UBE2G2: variants seen among roughly 807,000 people sequenced by gnomAD.
UBE2G2 encodes the protein ubiquitin-conjugating enzyme E2 G2.
A neutral mutation model predicts 23.0 loss-of-function variants in UBE2G2; 10 were observed. The observed-to-expected ratio is 0.43, with a 90% CI of 0.27 to 0.74. The LOEUF (loss-of-function observed/expected upper bound fraction) is 0.74. Ranked by LOEUF, UBE2G2 falls within the 30% of genes least tolerant of loss-of-function variation. The pLI is 0.19. For synonymous variants in UBE2G2, 86 were observed against 81.3 expected, an observed-to-expected ratio of 1.06 and a Z score of -0.31; for missense variants, 150 against 218.3, an observed-to-expected ratio of 0.69 and a Z score of 1.97.
rs184525566 is a variant in UBE2G2 at position 44,789,643 on chromosome 21, T to C, written c.44-1548A>G. Among the ~76,000 whole-genome samples, 178 of 152,068 alleles carry C rather than the reference T, an allele frequency of 1.2e-3. 1 individual carries two copies. The Middle Eastern group carries it at 0.014, about 12-fold the overall frequency. On this transcript the variant is annotated intron_variant, in intron 1 of 5. Transcript: ENST00000345496. ...TCTCTAAGACAAAAAAAAATCAAAC[T>C]TTCCCCATCTCACACCACATATAAA...
At chr21:44,796,232 T>C (rs2083087781) in intron 1 of UBE2G2, among the ~76,000 whole-genome samples, 1 of 152,208 alleles carries the variant, frequency 6.6e-6, no homozygotes, top group South Asian at 2.1e-4. Flanking sequence ...TGGCTCTCCT[T>C]TTTTCCTGTT....
chr21:44,791,526 TG>T (rs1306368353), intron 1 of UBE2G2, among the ~76,000 whole-genome samples: 11 of 152,174 alleles, frequency 7.2e-5, no homozygotes, highest in Non-Finnish European at 1.5e-4. Flanking sequence ...AGCTTCCACG[TG>T]GTGTTGGGCC....
At chr21:44,796,925 T>C (rs544478652) in intron 1 of UBE2G2, among the ~76,000 whole-genome samples, 83 of 152,344 alleles carry the variant, frequency 5.4e-4, no homozygotes, top group Non-Finnish European at 9.3e-4. Flanking sequence ...ATATGTTGAA[T>C]CTCTCTGACC....
intron 1 of UBE2G2, among the ~76,000 whole-genome samples, chr21:44,799,049 A>G (rs1230206835): frequency 6.6e-6 from 1 of 152,236 alleles, no homozygotes; most frequent in Non-Finnish European, 1.5e-5. Flanking sequence ...GACCAGGTGC[A>G]CTGTCAGGAA....
rs1185848765 is a variant in UBE2G2, at chr21:44,768,697, G to A, written c.*2680C>T. 6.6e-6 allele frequency: 1 copy of A among 152,268 alleles called. No homozygotes were observed. The highest frequency in any genetic ancestry group is 1.9e-4 in the East Asian group (1 of 5,202). The allele number at this position is 152,268 out of a possible 1,614,324, so 9.4% of individuals were successfully genotyped here. On this transcript the variant is annotated 3_prime_UTR_variant, in exon 6 of 6. Coordinates refer to ENST00000345496, the MANE Select transcript of UBE2G2 (RefSeq NM_003343.6). ...CACAGAGGAGTGATGACAGGGAGCT[G>A]TGCTTCTAAGCAACTGCAGGAGGGA...
rs1037092499 is a variant in UBE2G2, at chr21:44,797,697, A to C, written c.43+4009T>G. 4.2e-5 allele frequency among the ~76,000 whole-genome samples: 6 copies of C among 142,608 alleles called. No homozygotes were observed. The Admixed American group carries it at 4.3e-4, about 10-fold the overall frequency. 93.6% of individuals were successfully genotyped at this position (142,608 alleles called of 152,430 possible). ...GCCACTGCACTCCAGCCTGGGCGAC[A>C]GAGCAAAACTCCGTCTCAAAAAAAA... On this transcript the variant is annotated intron_variant, in intron 1 of 5. Coordinates refer to ENST00000345496, the MANE Select transcript of UBE2G2 (RefSeq NM_003343.6).
chr21:44,777,680 T>G (rs1419099885), intron 3 of UBE2G2, among the ~76,000 whole-genome samples: 1 of 152,006 alleles, frequency 6.6e-6, no homozygotes, highest in African/African-American at 2.4e-5. Flanking sequence ...TGGTGGCGCA[T>G]GACTGTAATC....
At chr21:44,796,458 A>G (rs1291701460) in intron 1 of UBE2G2, among the ~76,000 whole-genome samples, 3 of 152,222 alleles carry the variant, frequency 2.0e-5, no homozygotes, top group Non-Finnish European at 4.4e-5. Context: ...CCACCTTTAC[A>G]CTGGAATGTG....
At chr21:44,776,352 A>T (rs186786379) in intron 4 of UBE2G2, among the ~76,000 whole-genome samples, 135 of 152,286 alleles carry the variant, frequency 8.9e-4, no homozygotes, top group Non-Finnish European at 1.6e-3. Flanking sequence ...AAAAATTTCA[A>T]TCTGAAAAAA....
chr21:44,790,677 T>C (rs1433289421), intron 1 of UBE2G2, among the ~76,000 whole-genome samples: 1 of 152,250 alleles, frequency 6.6e-6, no homozygotes, highest in Non-Finnish European at 1.5e-5. Flanking sequence ...TCTGTCATGA[T>C]AAGTTTCCTG....
chr21:44,791,298 G>A (rs571340343), intron 1 of UBE2G2, among the ~76,000 whole-genome samples: 194 of 152,292 alleles, frequency 1.3e-3, no homozygotes, highest in Non-Finnish European at 2.3e-3. Context: ...TGTCTCCAGA[G>A]CATGTCAGAG....
intron 3 of UBE2G2, among the ~76,000 whole-genome samples, chr21:44,784,981 T>TC (rs1401042128): frequency 1.3e-5 from 2 of 152,114 alleles, no homozygotes; most frequent in African/African-American, 4.8e-5. Context: ...ACTCCTTCTG[T>TC]CCCACATAAG....
intron 3 of UBE2G2, among the ~76,000 whole-genome samples, chr21:44,780,241 G>A (rs549713248): frequency 5.9e-5 from 9 of 152,292 alleles, no homozygotes; most frequent in African/African-American, 2.2e-4. Flanking sequence ...TTTCTAGAAC[G>A]CCTGGCGCCC....
chr21:44,795,560 A>C (rs1274576318), intron 1 of UBE2G2, among the ~76,000 whole-genome samples: 1 of 151,970 alleles, frequency 6.6e-6, no homozygotes, highest in Non-Finnish European at 1.5e-5. Context: ...TGAGCCTAGG[A>C]GGCAGAGGCT....
At chr21:44,801,282 A>C (rs1302170044) in intron 1 of UBE2G2, 1 of 1,009,882 alleles carries the variant, frequency 9.9e-7, no homozygotes, top group Non-Finnish European at 1.2e-6. Flanking sequence ...CCAAAATCTG[A>C]CCTTTCAAAG....
intron 3 of UBE2G2, among the ~76,000 whole-genome samples, chr21:44,781,791 G>T (rs1181583742): frequency 1.3e-5 from 2 of 152,276 alleles, no homozygotes; most frequent in South Asian, 4.1e-4. Context: ...CCAATGCTAA[G>T]AACTGCTCGG....
At position 44,769,723 on chromosome 21, in the gene UBE2G2, G is replaced by C. The variant is rs1555959574; in HGVS notation, c.*1654C>G. ...CTTGTGAGAAGGAAAAGAATCTGCT[G>C]TCCACAGAAGCCAGGCGTGGAGCTA... is the stretch of plus-strand genomic sequence containing the variant. On this transcript the variant is annotated 3_prime_UTR_variant, in exon 6 of 6. Transcript: ENST00000345496. 1 of 152,312 alleles carries C rather than the reference G, an allele frequency of 6.6e-6. No homozygotes were observed. The highest frequency in any genetic ancestry group is 1.9e-4 in the East Asian group (1 of 5,180). 9.4% of individuals were successfully genotyped at this position (152,312 alleles called of 1,614,324 possible).
At chr21:44,784,148 C>G (rs1555961654) in intron 3 of UBE2G2, among the ~76,000 whole-genome samples, 1 of 146,510 alleles carries the variant, frequency 6.8e-6, no homozygotes, top group Non-Finnish European at 1.5e-5. Context: ...AGAGCTAGAC[C>G]ATGTCTCCAT....
At position 44,771,441 on chromosome 21, in the gene UBE2G2, C is replaced by T. The variant is rs782636745; in HGVS notation, c.434G>A (p.Arg145His). 8 of 1,613,024 alleles carry T rather than the reference C, an allele frequency of 5.0e-6. No individual in the cohort carries two copies. The highest frequency in any genetic ancestry group is 6.8e-6 in the Non-Finnish European group (8 of 1,180,030). ...CTTATAGAACTGCTCCCGGTCATCGCGCCACATTTTGGACGCATCCACGTT... is the reference window on the plus strand; with the variant it reads ...CTTATAGAACTGCTCCCGGTCATCGTGCCACATTTTGGACGCATCCACGTT... The part of the protein sequence containing the change: ...GANVDASKMW[R>H]DDREQFYKIA... The change falls in exon 6 of 6, where the codon CGC becomes CAC. Residue 145 changes from arginine to histidine, a missense_variant. Transcript: ENST00000345496. This position sits in a 1 kb window ranked among gnomAD's most constrained non-coding sequence, Gnocchi z 4.6.
Sources: gnomAD v4.1 joint callset for allele counts (sites outside exome capture counted in the v4.1 genomes callset) on GRCh38, gnomAD v4.1.1 for gene constraint, Gnocchi (gnomAD v3.1) non-coding constraint, MANE v1.5 for transcripts, NCBI Gene and HGNC (gene_info 2026-07-23, HGNC 2026-07-21) for gene names.